SAMD12: variants seen among roughly 807,000 people sequenced by gnomAD.
SAMD12 encodes the protein sterile alpha motif domain-containing protein 12.
SAMD12 carries 9 observed loss-of-function variants against 15.0 expected under a neutral mutation model. The ratio of observed to expected loss-of-function variants is 0.60; its 90% CI spans 0.36 to 1.05. The LOEUF (loss-of-function observed/expected upper bound fraction) is 1.05. Among genes scored for constraint, SAMD12 ranks in the 50% least tolerant of loss-of-function variants. The pLI is 0.01. For missense variants in SAMD12, 230 were observed against 234.2 expected (o/e 0.98, Z 0.12); for synonymous variants, 86 against 90.1 (o/e 0.96, Z 0.25).
chr8:118,160,035 C>A, the SAMD12 span, among the ~76,000 whole-genome samples: 2 of 152,110 alleles, frequency 1.3e-5, no homozygotes, highest in African/African-American at 4.8e-5. Context: ...CAAAACTTTA[C>A]AACAAGACCC....
intron 4 of SAMD12, among the ~76,000 whole-genome samples, chr8:118,213,605 T>A (rs925039791): frequency 1.3e-5 from 2 of 152,100 alleles, no homozygotes; most frequent in African/African-American, 4.8e-5. Flanking sequence ...AAATAATAAT[T>A]GTTGTTTTGA....
chr8:118,392,409 G>A (rs577226858), intron 3 of SAMD12, among the ~76,000 whole-genome samples: 2 of 152,270 alleles, frequency 1.3e-5, no homozygotes, highest in Non-Finnish European at 2.9e-5. Context: ...CCAGCCTGGC[G>A]ACAGAACGAG....
intron 4 of SAMD12, among the ~76,000 whole-genome samples, chr8:118,317,421 GGATGCTCACATGT>G (rs1303468815): frequency 2.0e-5 from 3 of 152,108 alleles, no homozygotes; most frequent in African/African-American, 7.2e-5. Flanking sequence ...ATAAACTGTG[GGATGCTCACATGT>G]TGAACAATTT....
chr8:118,270,645 A>C lies in SAMD12; in HGVS notation c.434-72913T>G, dbSNP rs76566046. On this transcript the variant is annotated intron_variant, in intron 4 of 4. Transcript: ENST00000409003. ...ATTTTTATTTAGGCTTTTTAGGGGG[A>C]GTTGGGGAGTCACAGAACATAATGT... is the stretch of plus-strand genomic sequence containing the variant. Among the ~76,000 whole-genome samples, 902 of 152,126 alleles carry C rather than the reference A, an allele frequency of 5.9e-3. 8 individuals are homozygous for C. The highest frequency in any genetic ancestry group is 0.02 in the African/African-American group (830 of 41,496).
At chr8:118,567,354 G>C (rs934009939) in intron 2 of SAMD12, among the ~76,000 whole-genome samples, 1 of 152,008 alleles carries the variant, frequency 6.6e-6, no homozygotes, top group African/African-American at 2.4e-5. Flanking sequence ...ATGTTTTCCT[G>C]TCATCCATGT....
intron 4 of SAMD12, among the ~76,000 whole-genome samples, chr8:118,296,700 C>T (rs930754908): frequency 1.3e-5 from 2 of 152,198 alleles, no homozygotes; most frequent in Admixed American, 6.5e-5. Context: ...GCCAATTTAT[C>T]TTTATTGTGT....
chr8:118,469,765 G>A (rs575001367), intron 2 of SAMD12, among the ~76,000 whole-genome samples: 2 of 149,662 alleles, frequency 1.3e-5, no homozygotes, highest in South Asian at 4.2e-4. Flanking sequence ...GCTTCGCCAT[G>A]TTGGCCAGAC....
At chr8:118,593,745 G>A (rs1827646036) in intron 1 of SAMD12, among the ~76,000 whole-genome samples, 1 of 152,150 alleles carries the variant, frequency 6.6e-6, no homozygotes, top group African/African-American at 2.4e-5. Context: ...ACAGAGAAAA[G>A]TAGAATTTGA....
At chr8:118,424,367 G>A (rs1822151079) in intron 3 of SAMD12, among the ~76,000 whole-genome samples, 1 of 152,052 alleles carries the variant, frequency 6.6e-6, no homozygotes, top group Non-Finnish European at 1.5e-5. Context: ...AACTTTATAA[G>A]ATACGTATTA....
At chr8:118,195,410 T>A (rs1586330751) in exon 5 of SAMD12, 1 of 152,338 alleles carries the variant, frequency 6.6e-6, no homozygotes, top group East Asian at 1.9e-4. Flanking sequence ...TGAATGGTTG[T>A]GCCTATATAA....
At chr8:118,396,266 T>C (rs561293294) in intron 3 of SAMD12, among the ~76,000 whole-genome samples, 98 of 152,262 alleles carry the variant, frequency 6.4e-4, no homozygotes, top group African/African-American at 2.3e-3. Context: ...ATCATTTTAA[T>C]CACTCTGAGT....
chr8:118,274,442 G>A (rs549591879), intron 4 of SAMD12, among the ~76,000 whole-genome samples: 152 of 152,100 alleles, frequency 1.0e-3, no homozygotes, highest in African/African-American at 1.6e-3. Context: ...TATACATTAC[G>A]AAATGACAGA....
intron 4 of SAMD12, among the ~76,000 whole-genome samples, chr8:118,361,071 C>A (rs891376561): frequency 1.3e-5 from 2 of 152,144 alleles, no homozygotes; most frequent in Non-Finnish European, 2.9e-5. Flanking sequence ...ACAACTACCC[C>A]CTGCTCTAGC....
intron 4 of SAMD12, among the ~76,000 whole-genome samples, chr8:118,232,129 C>G (rs1408310301): frequency 6.6e-6 from 1 of 152,098 alleles, no homozygotes; most frequent in Admixed American, 6.6e-5. Flanking sequence ...AGCATTTACC[C>G]CACTGTTCTA....
At chr8:118,312,024 A>G (rs765816019) in intron 4 of SAMD12, among the ~76,000 whole-genome samples, 1 of 152,120 alleles carries the variant, frequency 6.6e-6, no homozygotes, top group Non-Finnish European at 1.5e-5. Context: ...TGGGCTTGAC[A>G]TCAGTTGGCC....
the SAMD12 span, among the ~76,000 whole-genome samples, chr8:118,149,094 T>A: frequency 1.9e-4 from 29 of 152,336 alleles, no homozygotes; most frequent in African/African-American, 6.0e-4. Context: ...TATGCTTAAC[T>A]TTTTTGTTTT....
intron 4 of SAMD12, among the ~76,000 whole-genome samples, chr8:118,321,595 C>T (rs1816288780): frequency 6.6e-6 from 1 of 150,856 alleles, no homozygotes; most frequent in Admixed American, 6.6e-5. Context: ...GCATGGGCAA[C>T]AGAGTGTGAC....
At chr8:118,497,806 T>G (rs900560495) in intron 2 of SAMD12, among the ~76,000 whole-genome samples, 2 of 151,988 alleles carry the variant, frequency 1.3e-5, no homozygotes, top group Non-Finnish European at 2.9e-5. Flanking sequence ...GATGCCATTT[T>G]GAGGATGAAT....
chr8:118,351,858 G>C (rs1414044010), intron 4 of SAMD12, among the ~76,000 whole-genome samples: 11 of 152,188 alleles, frequency 7.2e-5, no homozygotes. Flanking sequence ...CAGATTGTCT[G>C]AATTCTTGTT....
Sources: allele counts gnomAD v4.1 joint callset (sites outside exome capture counted in the v4.1 genomes callset), GRCh38; gene constraint gnomAD v4.1.1; transcripts MANE v1.5; gene names NCBI Gene and HGNC (gene_info 2026-07-23, HGNC 2026-07-21).